The following FER variants were observed in gnomAD, a reference collection of about 807,000 sequenced individuals.
FER encodes the protein FER tyrosine kinase.
In FER, 63 loss-of-function variants were observed where a neutral mutation model predicts 111.0. That is an observed-to-expected ratio of 0.57 (90% CI 0.46 to 0.70). The LOEUF (loss-of-function observed/expected upper bound fraction) is 0.70, where lower values mean the gene tolerates loss of function less well. FER is among the 30% of genes least tolerant of loss of function. FER has a pLI of 0.00. For synonymous variants in FER, 327 were observed against 313.9 expected (o/e 1.04, Z -0.44); for missense variants, 914 against 954.0 (o/e 0.96, Z 0.55).
intron 10 of FER, among the ~76,000 whole-genome samples, chr5:108,902,596 A>T (rs572716345): frequency 6.6e-6 from 1 of 152,288 alleles, no homozygotes; most frequent in African/African-American, 2.4e-5. Context: ...TTCCCTTTCA[A>T]GGAGCCTCCT....
chr5:108,902,977 A>G (rs997177922), intron 10 of FER, among the ~76,000 whole-genome samples: 1 of 152,014 alleles, frequency 6.6e-6, no homozygotes, highest in African/African-American at 2.4e-5. Flanking sequence ...TTGTAAGAAC[A>G]TAATAAATAT....
chr5:108,951,434 A>G (rs66623856), intron 11 of FER, among the ~76,000 whole-genome samples: 40,174 of 151,908 alleles, frequency 0.26, 5,632 homozygotes, highest in African/African-American at 0.36. Flanking sequence ...TAGACCACTT[A>G]GCCATGCTAC....
At chr5:108,933,053 C>A (rs1754922413) in intron 10 of FER, among the ~76,000 whole-genome samples, 1 of 152,102 alleles carries the variant, frequency 6.6e-6, no homozygotes, top group African/African-American at 2.4e-5. Flanking sequence ...TGCCTGTTCA[C>A]TCTGATGATA....
chr5:109,138,878 C>G (rs1410289056), intron 17 of FER, among the ~76,000 whole-genome samples: 7 of 152,038 alleles, frequency 4.6e-5, no homozygotes, highest in Non-Finnish European at 8.8e-5. Context: ...AGAATAAATA[C>G]AAATTCTTGA....
chr5:109,022,358 T>C (rs548887012), intron 13 of FER, among the ~76,000 whole-genome samples: 7 of 152,186 alleles, frequency 4.6e-5, no homozygotes, highest in African/African-American at 1.2e-4. Flanking sequence ...CATACTAGGC[T>C]ACATGAGGAG....
chr5:109,055,046 C>G (rs1291327202), intron 16 of FER, among the ~76,000 whole-genome samples: 1 of 152,104 alleles, frequency 6.6e-6, no homozygotes, highest in African/African-American at 2.4e-5. Flanking sequence ...TAATTTTTGA[C>G]AAGAAGACAC....
At chr5:109,062,730 C>T (rs904472155) in intron 16 of FER, among the ~76,000 whole-genome samples, 9 of 151,890 alleles carry the variant, frequency 5.9e-5, no homozygotes, top group Non-Finnish European at 1.3e-4. Flanking sequence ...TTTAGAAAGC[C>T]TGAAAAAAAA....
chr5:108,899,726 C>T lies in FER; in HGVS notation c.1236+1878C>T, dbSNP rs900921243. 6.6e-5 allele frequency among the ~76,000 whole-genome samples: 10 copies of T among 151,586 alleles called. No homozygotes were observed. The South Asian group carries it at 2.1e-3, about 31-fold the overall frequency. On this transcript the variant is annotated intron_variant, in intron 10 of 19. Transcript: ENST00000281092. ...GGCTGAGGTGGGAGAATCATTTGAA[C>T]CTGGGAGGTGGAGGTTGCAGTGAGC...
At chr5:108,972,234 G>A (rs1760754544) in intron 13 of FER, among the ~76,000 whole-genome samples, 2 of 151,900 alleles carry the variant, frequency 1.3e-5, no homozygotes, top group African/African-American at 2.4e-5. Context: ...ATGAGAGGTG[G>A]TAAGGAGTGA....
intron 2 of FER, among the ~76,000 whole-genome samples, chr5:108,796,727 T>C (rs1435107942): frequency 1.3e-5 from 2 of 151,958 alleles, no homozygotes; most frequent in African/African-American, 2.4e-5. Flanking sequence ...TTCAGTCAGA[T>C]TGTGGTGAAT....
intron 2 of FER, among the ~76,000 whole-genome samples, chr5:108,774,942 G>T (rs1327880085): frequency 1.3e-5 from 2 of 151,998 alleles, no homozygotes; most frequent in Non-Finnish European, 2.9e-5. Context: ...ATTGTTTTTG[G>T]CATTTTCATC....
chr5:109,083,872 C>A (rs1196413680), intron 16 of FER, among the ~76,000 whole-genome samples: 1 of 152,042 alleles, frequency 6.6e-6, no homozygotes, highest in Non-Finnish European at 1.5e-5. Flanking sequence ...ATCCCCAATA[C>A]CACCATGCTA....
chr5:109,029,961 G>T (rs1044345179), intron 13 of FER, among the ~76,000 whole-genome samples: 1 of 152,042 alleles, frequency 6.6e-6, no homozygotes, highest in Non-Finnish European at 1.5e-5. Context: ...ACAAATGTGG[G>T]ATTGCTTGCC....
chr5:108,880,748 A>C (rs983969004), intron 8 of FER, among the ~76,000 whole-genome samples: 4 of 152,088 alleles, frequency 2.6e-5, no homozygotes, highest in African/African-American at 7.2e-5. Context: ...TGATTAAAGA[A>C]AAATGTTCAA....
At chr5:108,938,155 G>T (rs1157352020) in intron 10 of FER, among the ~76,000 whole-genome samples, 2 of 151,586 alleles carry the variant, frequency 1.3e-5, no homozygotes, top group East Asian at 3.9e-4. Context: ...GTTCTTGTAA[G>T]GTGTAAGGTT....
At chr5:108,951,632 A>C (rs1373952043) in intron 11 of FER, among the ~76,000 whole-genome samples, 2 of 152,212 alleles carry the variant, frequency 1.3e-5, no homozygotes, top group Non-Finnish European at 2.9e-5. Context: ...AAAAATTCAG[A>C]ATTTAAAAAA....
intron 5 of FER, among the ~76,000 whole-genome samples, chr5:108,845,037 T>TATATATATATATATATATATATAC (rs1761840453): frequency 3.7e-5 from 2 of 54,218 alleles, no homozygotes. Flanking sequence ...TATATATATA[T>TATATATATATATATATATATATAC]ATACATATAT....
intron 5 of FER, among the ~76,000 whole-genome samples, chr5:108,848,432 T>C (rs1762236387): frequency 6.6e-6 from 1 of 152,164 alleles, no homozygotes; most frequent in Admixed American, 6.5e-5. Context: ...CTGGATTAAT[T>C]GAACATTTTT....
At chr5:108,983,747 T>C (rs73211574) in intron 13 of FER, among the ~76,000 whole-genome samples, 4,107 of 152,218 alleles carry the variant, frequency 0.027, 193 homozygotes, top group African/African-American at 0.092. Context: ...AAGAGACATA[T>C]GGTGATTTAA....
Sources: allele counts gnomAD v4.1 joint callset (sites outside exome capture counted in the v4.1 genomes callset), GRCh38; gene constraint gnomAD v4.1.1; transcripts MANE v1.5; gene names NCBI Gene and HGNC (gene_info 2026-07-23, HGNC 2026-07-21).